The following GHR variants were observed in gnomAD, a reference collection of about 807,000 sequenced individuals.
The protein encoded by GHR is GH receptor.
A neutral mutation model predicts 67.1 loss-of-function variants in GHR; 35 were observed. The ratio of observed to expected loss-of-function variants is 0.52; its 90% CI spans 0.40 to 0.69. The LOEUF is 0.69. GHR is among the 30% of genes least tolerant of loss of function. The pLI is 0.00. For missense variants in GHR, 792 were observed against 764.6 expected (o/e 1.04, Z -0.42); for synonymous variants, 272 against 269.1 (o/e 1.01, Z -0.10).
At chr5:42,600,918 C>CTTTTTT (rs933355797) in intron 2 of GHR, among the ~76,000 whole-genome samples, 2,018 of 66,778 alleles carry the variant, frequency 0.03, 27 homozygotes, top group East Asian at 0.037. Flanking sequence ...TCTTTCTATT[C>CTTTTTT]TTTTTTTTTT....
At chr5:42,671,816 C>T (rs1342613017) in intron 3 of GHR, among the ~76,000 whole-genome samples, 7 of 151,618 alleles carry the variant, frequency 4.6e-5, no homozygotes, top group African/African-American at 1.2e-4. Context: ...ATTAGCCGGG[C>T]GTAGGGGCGG....
chr5:42,497,812 A>G (rs1229446899), intron 1 of GHR, among the ~76,000 whole-genome samples: 1 of 152,198 alleles, frequency 6.6e-6, no homozygotes, highest in Non-Finnish European at 1.5e-5. Context: ...AGAATGGAAA[A>G]CATTGGAAAA....
Position 42,631,963 on chromosome 5 carries a change from C to T in GHR, c.136+2860C>T, listed in dbSNP as rs546991067. 2.2e-3 allele frequency among the ~76,000 whole-genome samples: 331 copies of T among 152,204 alleles called. 1 individual carries two copies. The highest frequency in any genetic ancestry group is 0.01 in the Middle Eastern group (3 of 294). ...TATGGAGGATGTGTTGAACAACTTC[C>T]TACCAGTCAGTGCAGTGCAGTGACC... On this transcript the variant is annotated intron_variant, in intron 3 of 9. Coordinates refer to ENST00000230882, the MANE Select transcript of GHR (RefSeq NM_000163.5).
At chr5:42,479,924 G>C (rs1194123938) in intron 1 of GHR, among the ~76,000 whole-genome samples, 2 of 151,828 alleles carry the variant, frequency 1.3e-5, no homozygotes, top group Non-Finnish European at 2.9e-5. Context: ...CTTGCCTTCT[G>C]CTAGCTTTTG....
intron 2 of GHR, among the ~76,000 whole-genome samples, chr5:42,612,163 A>G (rs1045637748): frequency 6.6e-6 from 1 of 152,158 alleles, no homozygotes; most frequent in Non-Finnish European, 1.5e-5. Flanking sequence ...CACTCTCTGC[A>G]AATTTGGTCT....
chr5:42,654,453 G>A (rs1220856947), intron 3 of GHR, among the ~76,000 whole-genome samples: 1 of 152,094 alleles, frequency 6.6e-6, no homozygotes, highest in Admixed American at 6.6e-5. Flanking sequence ...TCCAGTTCTG[G>A]TGTTTAATTT....
intron 2 of GHR, among the ~76,000 whole-genome samples, chr5:42,587,864 C>G (rs1213109320): frequency 6.6e-6 from 1 of 152,130 alleles, no homozygotes; most frequent in East Asian, 1.9e-4. Context: ...TACTACTCCA[C>G]TCCTGTCTCT....
intron 1 of GHR, among the ~76,000 whole-genome samples, chr5:42,447,730 T>G (rs1743872044): frequency 1.6e-5 from 2 of 124,402 alleles, no homozygotes; most frequent in Non-Finnish European, 3.2e-5. Flanking sequence ...CCTCTCTCTC[T>G]CTTTCTTTCT....
chr5:42,467,668 A>C, intron 1 of GHR: 5 of 1,603,724 alleles, frequency 3.1e-6, no homozygotes, highest in Non-Finnish European at 1.7e-6. Context: ...TCTCTGATGC[A>C]CATCGAGCTT....
chr5:42,459,350 A>G (rs973764696), intron 1 of GHR, among the ~76,000 whole-genome samples: 5 of 152,228 alleles, frequency 3.3e-5, no homozygotes, highest in African/African-American at 1.2e-4. Context: ...AAATGAGATC[A>G]TGTCCTTTGC....
At position 42,626,725 on chromosome 5, in the gene GHR, C is replaced by T. The variant is rs189136386; in HGVS notation, c.71-2313C>T. ...AAAGACACTTATCACTACAGAGATTCGAAGGATTTTAGGAACTGTGTCAAG... is the reference window on the plus strand; with the variant it reads ...AAAGACACTTATCACTACAGAGATTTGAAGGATTTTAGGAACTGTGTCAAG... On this transcript the variant is annotated intron_variant, in intron 2 of 9. Transcript: ENST00000230882. 8.8e-4 allele frequency among the ~76,000 whole-genome samples: 134 copies of T among 152,190 alleles called. 1 individual carries two copies. Among genetic ancestry groups the T allele is most frequent in the African/African-American group, 3.0e-3 (124 of 41,518 alleles).
chr5:42,490,552 G>A (rs1746073303), intron 1 of GHR, among the ~76,000 whole-genome samples: 1 of 152,198 alleles, frequency 6.6e-6, no homozygotes, highest in South Asian at 2.1e-4. Context: ...CAGCGTCTCA[G>A]CTTTAACATG....
intron 3 of GHR, among the ~76,000 whole-genome samples, chr5:42,636,662 A>T (rs973283158): frequency 3.9e-5 from 6 of 152,200 alleles, no homozygotes; most frequent in Admixed American, 3.3e-4. Flanking sequence ...CAGTTTTTTT[A>T]AATAATGTAC....
At position 42,720,858 on chromosome 5, in the gene GHR, G is replaced by A. The variant is rs1332401227; in HGVS notation, c.*1434G>A. The A allele has an allele frequency of 6.6e-6, 1 of 152,152 alleles. No individual in the cohort carries two copies. Among genetic ancestry groups the A allele is most frequent in the Admixed American group, 6.5e-5 (1 of 15,278 alleles). 9.4% of individuals were successfully genotyped at this position (152,152 alleles called of 1,614,324 possible). A position where few individuals can be genotyped will look rare whatever the true frequency, so the allele number is the denominator to read the frequency against. Reference sequence around the variant, plus strand: ...TCAAAGCAAGCATTCAGAAGAAAAAGAAGCAACCTCAGTAATTTAGAAATC... The same window carrying A: ...TCAAAGCAAGCATTCAGAAGAAAAAAAAGCAACCTCAGTAATTTAGAAATC... On this transcript the variant is annotated 3_prime_UTR_variant, in exon 10 of 10. Coordinates refer to ENST00000230882, the MANE Select transcript of GHR (RefSeq NM_000163.5).
chr5:42,447,170 T>C (rs1743838649), intron 1 of GHR, among the ~76,000 whole-genome samples: 1 of 152,208 alleles, frequency 6.6e-6, no homozygotes, highest in Admixed American at 6.5e-5. Context: ...TTAATAGTTT[T>C]TGGGGAAGAG....
intron 1 of GHR, among the ~76,000 whole-genome samples, chr5:42,452,932 G>A (rs1744112010): frequency 6.6e-6 from 1 of 152,000 alleles, no homozygotes; most frequent in South Asian, 2.1e-4. Context: ...CCATTGTTGT[G>A]GAACTACAGT....
intron 2 of GHR, among the ~76,000 whole-genome samples, chr5:42,590,890 G>T (rs1268782108): frequency 1.3e-5 from 2 of 152,178 alleles, no homozygotes; most frequent in Non-Finnish European, 2.9e-5. Flanking sequence ...CTGTGCAATT[G>T]TTTCAGGGAC....
At chr5:42,608,364 G>A (rs1258328245) in intron 2 of GHR, among the ~76,000 whole-genome samples, 1 of 151,816 alleles carries the variant, frequency 6.6e-6, no homozygotes, top group Non-Finnish European at 1.5e-5. Context: ...GCTCAGCAGT[G>A]TTTGTTACAT....
intron 1 of GHR, among the ~76,000 whole-genome samples, chr5:42,461,020 T>G (rs1744466791): frequency 6.6e-6 from 1 of 152,180 alleles, no homozygotes; most frequent in Admixed American, 6.5e-5. Flanking sequence ...GATGAAAAAT[T>G]GAAGACTCCT....
Sources: allele counts gnomAD v4.1 joint callset (sites outside exome capture counted in the v4.1 genomes callset), GRCh38; gene constraint gnomAD v4.1.1; transcripts MANE v1.5; gene names NCBI Gene and HGNC (gene_info 2026-07-23, HGNC 2026-07-21).